SH2D4B: variants seen among roughly 807,000 people sequenced by gnomAD.
SH2D4B encodes SH2 domain-containing protein 4B.
Under a neutral mutation model 61.5 loss-of-function variants are expected in SH2D4B, and 45 were observed. The ratio of observed to expected loss-of-function variants is 0.73; its 90% CI spans 0.58 to 0.94. The LOEUF (loss-of-function observed/expected upper bound fraction) is 0.94. Ranked by LOEUF, SH2D4B falls within the 40% of genes least tolerant of loss-of-function variation. SH2D4B has a pLI of 0.00. For synonymous variants in SH2D4B, 224 were observed against 220.4 expected, an observed-to-expected ratio of 1.02 and a Z score of -0.14; for missense variants, 572 against 574.2, an observed-to-expected ratio of 1.00 and a Z score of 0.04.
intron 7 of SH2D4B, among the ~76,000 whole-genome samples, chr10:80,636,773 T>G (rs1321107256): frequency 6.6e-6 from 1 of 152,248 alleles, no homozygotes; most frequent in African/African-American, 2.4e-5. Flanking sequence ...TCTTTTGCTG[T>G]GCAGAAGCTC....
rs59848195 is a variant in SH2D4B at position 80,612,198 on chromosome 10, T to TTTTTTTTTTTTTTC, written c.988+2647_988+2648insTTTTTTTTTTTTTC. On this transcript the variant is annotated intron_variant, in intron 6 of 7. Transcript: ENST00000646907. ...CCACTCCTGCTTTTTTTTTTTTTTT[T>TTTTTTTTTTTTTTC]CAACTTTACTCACTTATAAAATCCC... 4.8e-5 allele frequency among the ~76,000 whole-genome samples: 6 copies of TTTTTTTTTTTTTTC among 125,202 alleles called. 2 individuals carry two copies. Among genetic ancestry groups the TTTTTTTTTTTTTTC allele is most frequent in the African/African-American group, 3.2e-5 (1 of 31,132 alleles). 82.1% of individuals were successfully genotyped at this position (125,202 alleles called of 152,430 possible). A position where few individuals can be genotyped will look rare whatever the true frequency, so the allele number is the denominator to read the frequency against.
intron 7 of SH2D4B, among the ~76,000 whole-genome samples, chr10:80,638,548 T>C (rs1840230913): frequency 6.6e-6 from 1 of 152,250 alleles, no homozygotes; most frequent in Non-Finnish European, 1.5e-5. Context: ...TATCCATTTC[T>C]TCTAGATTTT....
chr10:80,546,254 C>T (rs1841678942), intron 1 of SH2D4B, among the ~76,000 whole-genome samples: 1 of 151,828 alleles, frequency 6.6e-6, no homozygotes, highest in African/African-American at 2.4e-5. Context: ...CAGCATGTTG[C>T]CTAGACTGCT....
chr10:80,586,704 G>A (rs1024843096), intron 3 of SH2D4B, among the ~76,000 whole-genome samples: 4 of 152,196 alleles, frequency 2.6e-5, no homozygotes, highest in African/African-American at 4.8e-5. Flanking sequence ...AGGCTGCCCC[G>A]AGCCAGCAGT....
At chr10:80,638,333 G>A (rs1840225511) in intron 7 of SH2D4B, among the ~76,000 whole-genome samples, 1 of 152,132 alleles carries the variant, frequency 6.6e-6, no homozygotes, top group Non-Finnish European at 1.5e-5. Flanking sequence ...CTCTTTTTCT[G>A]CTGATTGGAA....
chr10:80,596,996 A>C (rs1185757276), intron 4 of SH2D4B, among the ~76,000 whole-genome samples: 1 of 152,220 alleles, frequency 6.6e-6, no homozygotes, highest in East Asian at 1.9e-4. Flanking sequence ...TAACATAACA[A>C]TAAAAATAAA....
intron 6 of SH2D4B, among the ~76,000 whole-genome samples, chr10:80,618,697 G>A (rs756107132): frequency 3.8e-4 from 58 of 152,160 alleles, no homozygotes; most frequent in Non-Finnish European, 7.4e-4. Flanking sequence ...GCGTAGCTGC[G>A]GTGAAAGCTT....
At chr10:80,621,700 T>G (rs1842718648) in intron 6 of SH2D4B, among the ~76,000 whole-genome samples, 1 of 152,176 alleles carries the variant, frequency 6.6e-6, no homozygotes, top group African/African-American at 2.4e-5. Flanking sequence ...TTGTCCTGTT[T>G]TAGCACATCT....
At position 80,645,699 on chromosome 10, in the gene SH2D4B, T is replaced by A. The variant is rs1227506739; in HGVS notation, c.*1614T>A. Reference sequence around the variant, plus strand: ...CTTGCCCTGCTCTCTCCTGTTGCTCTGGGATTGCACTTCTGAATGAAGTAG... The same window carrying A: ...CTTGCCCTGCTCTCTCCTGTTGCTCAGGGATTGCACTTCTGAATGAAGTAG... On this transcript the variant is annotated 3_prime_UTR_variant, in exon 8 of 8. Coordinates refer to ENST00000646907, the MANE Select transcript of SH2D4B (RefSeq NM_001388272.1). The A allele has an allele frequency of 6.6e-6, 1 of 152,292 alleles. No homozygotes were observed. The highest frequency in any genetic ancestry group is 1.5e-5 in the Non-Finnish European group (1 of 68,108). The allele number at this position is 152,292 out of a possible 1,614,324, so 9.4% of individuals were successfully genotyped here. A position where few individuals can be genotyped will look rare whatever the true frequency, so the allele number is the denominator to read the frequency against.
Position 80,538,375 on chromosome 10 carries a change from T to C in SH2D4B, c.44T>C (p.Leu15Pro). 1 of 1,412,074 alleles carries C rather than the reference T, an allele frequency of 7.1e-7. No homozygotes were observed. Among genetic ancestry groups the C allele is most frequent in the Non-Finnish European group, 9.3e-7 (1 of 1,077,980 alleles). 87.5% of individuals were successfully genotyped at this position (1,412,074 alleles called of 1,614,324 possible). A position where few individuals can be genotyped will look rare whatever the true frequency, so the allele number is the denominator to read the frequency against. Residue 15 changes from leucine (L) to proline (P), a missense_variant, in exon 1 of 8, where the codon CTC (leucine) becomes CCC (proline). Transcript: ENST00000646907. The surrounding 1 kb of genome is among the most constrained non-coding windows in gnomAD (Gnocchi z 4.8). ...CACGACATGTACATCGACCCCGAGC[T>C]CCTTGCCGAGCTCAGCGATGTGCAG... ...ILHDMYIDPELLAELSDVQKH... is the reference protein window; with the variant it reads ...ILHDMYIDPEPLAELSDVQKH...
intron 3 of SH2D4B, among the ~76,000 whole-genome samples, chr10:80,578,275 A>T (rs544672298): frequency 6.6e-6 from 1 of 152,296 alleles, no homozygotes; most frequent in African/African-American, 2.4e-5. Flanking sequence ...TAGGGTTCTA[A>T]CATTCTGAGT....
chr10:80,627,143 G>A (rs77410002), intron 6 of SH2D4B, among the ~76,000 whole-genome samples: 177 of 152,254 alleles, frequency 1.2e-3, no homozygotes, highest in African/African-American at 3.9e-3. Context: ...GGAGGGTAGG[G>A]GTCAGAGAGC....
chr10:80,594,638 T>G (rs1186158918), intron 4 of SH2D4B, among the ~76,000 whole-genome samples: 2 of 152,246 alleles, frequency 1.3e-5, no homozygotes, highest in Non-Finnish European at 1.5e-5. Flanking sequence ...GAATTTTTTT[T>G]GATTACGAAT....
At chr10:80,602,734 G>A (rs1842465112) in intron 4 of SH2D4B, among the ~76,000 whole-genome samples, 1 of 152,212 alleles carries the variant, frequency 6.6e-6, no homozygotes, top group South Asian at 2.1e-4. Flanking sequence ...GCAAATTGCT[G>A]TCCTTCCTTG....
chr10:80,638,154 T>G (rs1840221734), intron 7 of SH2D4B, among the ~76,000 whole-genome samples: 1 of 152,230 alleles, frequency 6.6e-6, no homozygotes, highest in Non-Finnish European at 1.5e-5. Flanking sequence ...TCGTGGTGGA[T>G]AAGCTTTTTG....
intron 5 of SH2D4B, among the ~76,000 whole-genome samples, chr10:80,608,561 A>G (rs533900928): frequency 1.3e-5 from 2 of 152,282 alleles, no homozygotes; most frequent in African/African-American, 4.8e-5. Flanking sequence ...TCATGTGTCC[A>G]AGTCTATGTA....
At chr10:80,563,198 G>C (rs931802731) in intron 1 of SH2D4B, among the ~76,000 whole-genome samples, 1 of 152,166 alleles carries the variant, frequency 6.6e-6, no homozygotes, top group Non-Finnish European at 1.5e-5. Flanking sequence ...ACCGCGCCCG[G>C]CCGATGCTGA....
chr10:80,606,088 C>T (rs1487669253), intron 5 of SH2D4B, among the ~76,000 whole-genome samples: 3 of 152,080 alleles, frequency 2.0e-5, no homozygotes, highest in Non-Finnish European at 2.9e-5. Context: ...CTCCTATAGC[C>T]GCCCCATGGG....
intron 1 of SH2D4B, among the ~76,000 whole-genome samples, chr10:80,544,051 C>G (rs1841629355): frequency 6.6e-6 from 1 of 152,034 alleles, no homozygotes; most frequent in Admixed American, 6.5e-5. Flanking sequence ...CAGTGACAAC[C>G]CACTCCTGTC....
Sources: gnomAD v4.1 joint callset for allele counts (sites outside exome capture counted in the v4.1 genomes callset) on GRCh38, gnomAD v4.1.1 for gene constraint, Gnocchi (gnomAD v3.1) non-coding constraint, MANE v1.5 for transcripts, NCBI Gene and HGNC (gene_info 2026-07-23, HGNC 2026-07-21) for gene names.